ROS1: variants seen among roughly 807,000 people sequenced by gnomAD.
ROS1 encodes the protein proto-oncogene tyrosine-protein kinase ROS.
In ROS1, 263 loss-of-function variants were observed where a neutral mutation model predicts 273.5. That is an observed-to-expected ratio of 0.96 (90% CI 0.87 to 1.06). The LOEUF (loss-of-function observed/expected upper bound fraction) is 1.06, where lower values mean the gene tolerates loss of function less well. ROS1 is among the 50% of genes least tolerant of loss of function. ROS1 has a pLI of 0.00. For synonymous variants in ROS1, 1,008 were observed against 954.1 expected (o/e 1.06, Z -1.04); for missense variants, 2,833 against 2,751.1 (o/e 1.03, Z -0.67).
intron 39 of ROS1, among the ~76,000 whole-genome samples, chr6:117,312,709 C>T (rs1775632177): frequency 6.6e-6 from 1 of 151,998 alleles, no homozygotes; most frequent in Non-Finnish European, 1.5e-5. Context: ...TTCTGATATC[C>T]CATGTATCAA....
chr6:117,404,594 AAATC>A (rs1454823988), intron 5 of ROS1, among the ~76,000 whole-genome samples, 166 bp from the exon 6 acceptor site: 9 of 143,886 alleles, frequency 6.3e-5, no homozygotes, highest in South Asian at 4.7e-4. Context: ...TTATTTTAAA[AAATC>A]AATCAGTCAG....
intron 24 of ROS1, 99 bp downstream of exon 24, chr6:117,359,709 CT>C (rs1779623199): frequency 1.1e-6 from 1 of 923,798 alleles, no homozygotes; most frequent in Admixed American, 2.1e-5. Flanking sequence ...TCATTCTAAT[CT>C]TAATGACTAA....
chr6:117,352,907 A>G, intron 27 of ROS1, 83 bp downstream of exon 27: 1 of 1,277,026 alleles, frequency 7.8e-7, no homozygotes, highest in Non-Finnish European at 1.1e-6. Context: ...GGCTAAAGGG[A>G]CAGCCTTGGA....
At chr6:117,394,409 G>A in intron 10 of ROS1, 63 bp from the exon 11 acceptor site, 1 of 1,124,538 alleles carries the variant, frequency 8.9e-7, no homozygotes, top group Non-Finnish European at 1.2e-6. Flanking sequence ...AAACTTGTAT[G>A]AATGAGAATT....
chr6:117,395,129 G>A (rs775321512), intron 9 of ROS1, among the ~76,000 whole-genome samples: 12 of 152,112 alleles, frequency 7.9e-5, no homozygotes, highest in Non-Finnish European at 1.8e-4. Context: ...TCAGACACTG[G>A]TTGTCTCTGT....
chr6:117,311,302 A>T (rs1775529159), intron 39 of ROS1, among the ~76,000 whole-genome samples, 185 bp from the exon 40 acceptor site: 2 of 152,152 alleles, frequency 1.3e-5, no homozygotes, highest in Admixed American at 1.3e-4. Context: ...TATGTTTCCT[A>T]CGCAAATATA....
At chr6:117,397,150 A>G (rs1773560015) in intron 7 of ROS1, 34 bp from the exon 8 acceptor site, 1 of 1,378,108 alleles carries the variant, frequency 7.3e-7, no homozygotes, top group Admixed American at 1.8e-5. Flanking sequence ...ATGAGCAGAA[A>G]AATGTGCAAG....
In ROS1 at chr6:117,385,690, G is replaced by A. The variant is rs1405296671; in HGVS notation, c.2282C>T (p.Thr761Ile). 15 of 1,613,776 alleles carry A rather than the reference G, an allele frequency of 9.3e-6. No individual in the cohort carries two copies. The Admixed American group carries it at 2.5e-4, about 27-fold the overall frequency. ...TGCCATGCTTTAACTCACCACATATGTCTTTCCAGCCCAGTAGAGAAAGTG... is the reference window on the plus strand; with the variant it reads ...TGCCATGCTTTAACTCACCACATATATCTTTCCAGCCCAGTAGAGAAAGTG... ...LGHFLYWAGK[T>I]YVIQRQSVLT... Residue 761 changes from threonine (T) to isoleucine (I), a missense_variant, in exon 16 of 44, where the codon ACA (threonine) becomes ATA (isoleucine). Transcript: ENST00000368507.
chr6:117,298,645 T>A (rs1308805177), intron 43 of ROS1, among the ~76,000 whole-genome samples: 5 of 152,210 alleles, frequency 3.3e-5, no homozygotes, highest in African/African-American at 7.2e-5. Flanking sequence ...TTCCTATGGA[T>A]ATAGATGTAG....
intron 1 of ROS1, among the ~76,000 whole-genome samples, 163 bp from the exon 2 acceptor site, chr6:117,418,669 C>T (rs184464089): frequency 4.3e-4 from 65 of 152,292 alleles, no homozygotes; most frequent in African/African-American, 1.5e-3. Flanking sequence ...TCATCACTAC[C>T]AGACAAAATG....
rs921368375 is a variant in ROS1, at chr6:117,396,922, T to C, written c.799A>G (p.Ile267Val). The C allele has an allele frequency of 1.9e-6, 3 of 1,608,982 alleles. No individual in the cohort carries two copies. The highest frequency in any genetic ancestry group is 1.7e-5 in the Admixed American group (1 of 59,994). The stretch of plus-strand genomic sequence containing the variant: ...GTATCACTTAATTCTTACCTGTAGA[T>C]AGTATTTGGTAAAGTGGAGTAAAAC... ...FQFYSTLPNT[I>V]YRFSIAAVNE... Residue 267 changes from isoleucine (I) to valine (V), a missense_variant, in exon 8 of 44, where the codon ATC (isoleucine) becomes GTC (valine). Transcript: ENST00000368507.
chr6:117,408,132 C>A (rs1774574906), intron 5 of ROS1, among the ~76,000 whole-genome samples: 1 of 151,770 alleles, frequency 6.6e-6, no homozygotes, highest in African/African-American at 2.4e-5. Flanking sequence ...CTAGGCAATA[C>A]CATTCAGGAC....
At chr6:117,418,399 C>A (rs182054505) in intron 2 of ROS1, 63 bp downstream of exon 2, 359 of 1,135,880 alleles carry the variant, frequency 3.2e-4, no homozygotes, top group Non-Finnish European at 4.0e-4. Context: ...AAAATCTGAT[C>A]ATTGTCCCTT....
At chr6:117,305,463 A>T (rs1479736734) in intron 42 of ROS1, among the ~76,000 whole-genome samples, 4 of 152,076 alleles carry the variant, frequency 2.6e-5, no homozygotes, top group African/African-American at 9.7e-5. Context: ...AGAAATTCCT[A>T]TTTTTTTCAA....
intron 12 of ROS1, among the ~76,000 whole-genome samples, chr6:117,390,698 G>T (rs1772996712): frequency 6.6e-6 from 1 of 152,066 alleles, no homozygotes; most frequent in South Asian, 2.1e-4. Context: ...ATTGATGCAG[G>T]CAATAGAGCT....
rs2128555510 is a variant in ROS1, at chr6:117,317,171, G to A, written c.6089C>T (p.Thr2030Ile). Residue 2030 changes from threonine to isoleucine, a missense_variant, in exon 39 of 44, where the codon ACT (threonine) becomes ATT (isoleucine). Coordinates refer to ENST00000368507, the MANE Select transcript of ROS1 (RefSeq NM_001378902.1). ...TGCCATCCGGGCTTTACGCAAATAAGTAAGAAGGTCTCCTCCCTCCATCAG... is the reference window on the plus strand; with the variant it reads ...TGCCATCCGGGCTTTACGCAAATAAATAAGAAGGTCTCCTCCCTCCATCAG... ...LELMEGGDLLTYLRKARMATF... is the reference protein window; with the variant it reads ...LELMEGGDLLIYLRKARMATF... 1.2e-6 allele frequency: 2 copies of A among 1,613,190 alleles called. No homozygotes were observed. The highest frequency in any genetic ancestry group is 8.5e-7 in the Non-Finnish European group (1 of 1,179,520).
chr6:117,420,997 A>G (rs1775710948), intron 1 of ROS1, among the ~76,000 whole-genome samples: 1 of 151,684 alleles, frequency 6.6e-6, no homozygotes, highest in Non-Finnish European at 1.5e-5. Context: ...TTTACATCCA[A>G]CCAACAATTC....
chr6:117,338,170 TAG>T, intron 31 of ROS1, among the ~76,000 whole-genome samples: 1 of 152,264 alleles, frequency 6.6e-6, no homozygotes, highest in East Asian at 1.9e-4. Context: ...ATTTTCCCTG[TAG>T]AGTTTCATAA....
At chr6:117,391,265 G>A (rs1773043295) in intron 12 of ROS1, among the ~76,000 whole-genome samples, 1 of 152,158 alleles carries the variant, frequency 6.6e-6, no homozygotes, top group Admixed American at 6.5e-5. Flanking sequence ...TTAATTTTCT[G>A]CTTTTGTTTC....
Sources: gnomAD v4.1 joint callset for allele counts (sites outside exome capture counted in the v4.1 genomes callset) on GRCh38, gnomAD v4.1.1 for gene constraint, MANE v1.5 for transcripts, NCBI Gene and HGNC (gene_info 2026-07-23, HGNC 2026-07-21) for gene names.